G3BP2: variants seen among roughly 807,000 people sequenced by gnomAD.
G3BP2 encodes the protein ras GTPase-activating protein-binding protein 2.
G3BP2 carries 11 observed loss-of-function variants against 56.7 expected under a neutral mutation model. The ratio of observed to expected loss-of-function variants is 0.19; its 90% CI spans 0.12 to 0.32. The LOEUF (loss-of-function observed/expected upper bound fraction) is 0.32, where lower values mean the gene tolerates loss of function less well. G3BP2 is among the 10% of genes least tolerant of loss of function. The pLI is 1.00. For missense variants in G3BP2, 340 were observed against 610.9 expected (o/e 0.56, Z 4.67); for synonymous variants, 165 against 191.6 (o/e 0.86, Z 1.15).
At chr4:75,663,948 C>T (rs908647459) in intron 1 of G3BP2, among the ~76,000 whole-genome samples, 4 of 13,558 alleles carry the variant, frequency 3.0e-4, no homozygotes, top group South Asian at 2.5e-3. Flanking sequence ...TCCAGTGGTA[C>T]GATCTTGGCT....
chr4:75,722,680 C>T lies in G3BP2; in HGVS notation c.-165-436G>A, dbSNP rs114070455. 7.5e-3 allele frequency among the ~76,000 whole-genome samples: 1,146 copies of T among 152,258 alleles called. 8 individuals are homozygous for T. Among genetic ancestry groups the T allele is most frequent in the South Asian group, 0.023 (113 of 4,822 alleles). ...AAAATGCTCCCATGGAAAATGTCTACGGTAAAATGTCAAGTGTATAGCTTT... is the reference window on the plus strand; with the variant it reads ...AAAATGCTCCCATGGAAAATGTCTATGGTAAAATGTCAAGTGTATAGCTTT... On this transcript the variant is annotated intron_variant, in intron 1 of 3. Coordinates refer to the G3BP2 transcript ENST00000499709.
At chr4:75,684,833 C>T (rs948301875) in intron 3 of G3BP2, among the ~76,000 whole-genome samples, 1 of 151,596 alleles carries the variant, frequency 6.6e-6, no homozygotes, top group African/African-American at 2.4e-5. Flanking sequence ...TCATTGTCTT[C>T]TAAAATGGGT....
intron 3 of G3BP2, among the ~76,000 whole-genome samples, chr4:75,719,264 T>C (rs1356644292): frequency 4.9e-5 from 7 of 142,242 alleles, no homozygotes; most frequent in African/African-American, 1.1e-4. Flanking sequence ...AGGAGAATGG[T>C]GTGAACCCGG....
intron 1 of G3BP2, chr4:75,670,412 G>C (rs891478216): frequency 6.6e-6 from 1 of 152,164 alleles, no homozygotes; most frequent in African/African-American, 2.4e-5. Context: ...TTGAATGAAA[G>C]CTTCACAAAG....
intron 3 of G3BP2, among the ~76,000 whole-genome samples, chr4:75,685,339 A>G (rs559279236): frequency 9.2e-5 from 14 of 152,114 alleles, no homozygotes; most frequent in African/African-American, 3.4e-4. Context: ...TGTCTCTACT[A>G]AAAACACAAA....
intron 3 of G3BP2, among the ~76,000 whole-genome samples, chr4:75,697,077 C>A (rs982830922): frequency 4.0e-5 from 6 of 151,722 alleles, no homozygotes; most frequent in African/African-American, 9.7e-5. Flanking sequence ...GAGATGAGAC[C>A]ATCCTGGCCA....
chr4:75,722,714 G>A (rs1411941094), intron 1 of G3BP2, among the ~76,000 whole-genome samples: 1 of 152,150 alleles, frequency 6.6e-6, no homozygotes, highest in Non-Finnish European at 1.5e-5. Flanking sequence ...TTAAAGCAGA[G>A]GACAATGCTT....
At chr4:75,666,691 G>C (rs1187073360) in intron 1 of G3BP2, among the ~76,000 whole-genome samples, 1 of 151,944 alleles carries the variant, frequency 6.6e-6, no homozygotes. Context: ...AGAAGGTTGA[G>C]AAAAAGGAAA....
At chr4:75,667,430 T>C (rs987504277) in intron 1 of G3BP2, among the ~76,000 whole-genome samples, 2 of 152,278 alleles carry the variant, frequency 1.3e-5, no homozygotes, top group East Asian at 1.9e-4. Context: ...ACAACCTTTT[T>C]AGAAAAAGTT....
intron 3 of G3BP2, among the ~76,000 whole-genome samples, chr4:75,708,784 A>G (rs768636942): frequency 2.0e-5 from 3 of 151,964 alleles, no homozygotes; most frequent in Non-Finnish European, 2.9e-5. Context: ...CAGCCTGGGC[A>G]GCAGAGTGAG....
At chr4:75,684,983 TC>T (rs1284215714) in intron 3 of G3BP2, among the ~76,000 whole-genome samples, 1 of 152,064 alleles carries the variant, frequency 6.6e-6, no homozygotes, top group East Asian at 1.9e-4. Context: ...ACACTAAAAT[TC>T]TGTTAATCAA....
chr4:75,646,345 A>G lies in G3BP2; in HGVS notation c.1169T>C (p.Ile390Thr). 1 of 1,449,264 alleles carries G rather than the reference A, an allele frequency of 6.9e-7. No homozygotes were observed. Among genetic ancestry groups the G allele is most frequent in the Non-Finnish European group, 9.6e-7 (1 of 1,043,126 alleles). 89.8% of individuals were successfully genotyped at this position (1,449,264 alleles called of 1,614,324 possible). ...GCCCTTTAAATCACTTACTTTTGCA[A>G]TTAAGATTCTCTGAACTGGTTCAGA... ...DDSEPVQRIL[I>T]AKPIMFRGEV... Residue 390 changes from isoleucine to threonine, a missense_variant, in exon 11 of 12, where the codon ATT becomes ACT. Transcript: ENST00000359707.
intron 3 of G3BP2, among the ~76,000 whole-genome samples, chr4:75,720,122 C>T (rs1180291740): frequency 6.9e-6 from 1 of 145,914 alleles, no homozygotes; most frequent in Non-Finnish European, 1.5e-5. Context: ...CATGCCTCAG[C>T]CTCCTGCGCA....
At chr4:75,698,690 T>C (rs1478319892) in intron 3 of G3BP2, among the ~76,000 whole-genome samples, 3 of 152,118 alleles carry the variant, frequency 2.0e-5, no homozygotes, top group Admixed American at 6.6e-5. Context: ...GAAGGGGTCA[T>C]GAGCAACCAG....
chr4:75,723,422 G>A (rs1252865627), intron 1 of G3BP2, among the ~76,000 whole-genome samples: 1 of 152,194 alleles, frequency 6.6e-6, no homozygotes, highest in African/African-American at 2.4e-5. Context: ...GGAGGCTGTT[G>A]CTGTCATCTC....
chr4:75,700,914 C>T (rs1719318172), intron 3 of G3BP2, among the ~76,000 whole-genome samples: 2 of 152,098 alleles, frequency 1.3e-5, no homozygotes, highest in African/African-American at 4.8e-5. Flanking sequence ...TCTCAGCTCA[C>T]TGCAAACTCC....
chr4:75,673,478 G>T, upstream of G3BP2: 3 of 1,232,014 alleles, frequency 2.4e-6, no homozygotes, highest in Non-Finnish European at 3.0e-6. Context: ...GGGAACCCCC[G>T]AGCACAGCGT....
rs544615813 is a variant in G3BP2, at chr4:75,682,377, C to T, written c.-24-20328G>A. ...GTTGCAGTGAGCCAAGATTGTGCCA[C>T]TGCACTCCGGCCTTGTGACAGAGCG... On this transcript the variant is annotated intron_variant, in intron 3 of 3. Transcript: ENST00000499709. Among the ~76,000 whole-genome samples, 14 of 147,410 alleles carry T rather than the reference C, an allele frequency of 9.5e-5. No individual in the cohort carries two copies. In the South Asian group the frequency reaches 2.1e-3, roughly 22 times the overall value.
rs368144266 is a variant in G3BP2 at position 75,701,526 on chromosome 4, T to C, written c.-25+19351A>G. On this transcript the variant is annotated intron_variant, in intron 3 of 3. Coordinates refer to the G3BP2 transcript ENST00000499709. ...TCGCAGCAACCTCCGCCTCCCAGGT[T>C]CAAGAGATTCTCCTGCCTCAGCCTC... Among the ~76,000 whole-genome samples, 32 of 152,184 alleles carry C rather than the reference T, an allele frequency of 2.1e-4. No individual in the cohort carries two copies. The East Asian group carries it at 3.1e-3, about 15-fold the overall frequency.
Sources: allele counts gnomAD v4.1 joint callset (sites outside exome capture counted in the v4.1 genomes callset), GRCh38; gene constraint gnomAD v4.1.1; transcripts MANE v1.5; gene names NCBI Gene and HGNC (gene_info 2026-07-23, HGNC 2026-07-21).